MAPRE2: variants seen among roughly 807,000 people sequenced by gnomAD.
The protein encoded by MAPRE2 is microtubule associated protein RP/EB family member 2.
Under a neutral mutation model 43.2 loss-of-function variants are expected in MAPRE2, and 13 were observed. That is an observed-to-expected ratio of 0.30 (90% CI 0.20 to 0.48). The LOEUF (loss-of-function observed/expected upper bound fraction) is 0.48, where lower values mean the gene tolerates loss of function less well. MAPRE2 is among the 20% of genes least tolerant of loss of function. MAPRE2 has a pLI of 0.99. For missense variants in MAPRE2, 161 were observed against 400.2 expected (o/e 0.40, Z 5.10); for synonymous variants, 135 against 148.8 (o/e 0.91, Z 0.68).
At chr18:35,105,092 T>C (rs1288305456) in intron 4 of MAPRE2, among the ~76,000 whole-genome samples, 1 of 152,118 alleles carries the variant, frequency 6.6e-6, no homozygotes. Context: ...TTCTAGGAAT[T>C]CCCTCATCTG....
intron 2 of MAPRE2, among the ~76,000 whole-genome samples, chr18:35,030,415 G>A (rs1296290081): frequency 1.3e-5 from 2 of 152,190 alleles, no homozygotes; most frequent in Non-Finnish European, 2.9e-5. Flanking sequence ...TTAGTGGAAG[G>A]TAGACTGAGC....
chr18:35,057,507 CGTGTGTGTGTGTGT>C (rs58171272), intron 1 of MAPRE2, among the ~76,000 whole-genome samples: 1 of 149,520 alleles, frequency 6.7e-6, no homozygotes, highest in Admixed American at 6.6e-5. Context: ...GGAGTGTGTG[CGTGTGTGTGTGTGT>C]GTGTGTGTGT....
At chr18:35,092,162 A>G (rs1180314530) in intron 2 of MAPRE2, among the ~76,000 whole-genome samples, 4 of 152,210 alleles carry the variant, frequency 2.6e-5, no homozygotes, top group Non-Finnish European at 4.4e-5. Flanking sequence ...AACTGGCCCC[A>G]TGACCCAGTC....
At position 35,084,763 on chromosome 18, in the gene MAPRE2, A is replaced by G. The variant is rs112134143; in HGVS notation, c.251-12683A>G. Among the ~76,000 whole-genome samples, 1,067 of 152,328 alleles carry G rather than the reference A, an allele frequency of 7.0e-3. 3 individuals are homozygous for G. The highest frequency in any genetic ancestry group is 0.011 in the Non-Finnish European group (764 of 68,030). On this transcript the variant is annotated intron_variant, in intron 2 of 6. Coordinates refer to ENST00000300249, the MANE Select transcript of MAPRE2 (RefSeq NM_014268.4). ...CTACTTGTCTTTGGACTTATTTACA[A>G]TAGGAATAAAAAGCTTCTGACAATG...
intron 1 of MAPRE2, among the ~76,000 whole-genome samples, chr18:35,066,314 G>T (rs1017421304): frequency 3.3e-5 from 5 of 152,130 alleles, no homozygotes; most frequent in African/African-American, 1.2e-4. Context: ...TTCCTCCCAG[G>T]ATTCTTCCAA....
intron 1 of MAPRE2, among the ~76,000 whole-genome samples, chr18:35,069,012 C>G (rs1171307116): frequency 6.6e-6 from 1 of 152,146 alleles, no homozygotes; most frequent in African/African-American, 2.4e-5. Flanking sequence ...TAGATGGCAT[C>G]AAATCCCCGT....
At chr18:35,084,229 G>T (rs1001395871) in intron 2 of MAPRE2, among the ~76,000 whole-genome samples, 5 of 152,060 alleles carry the variant, frequency 3.3e-5, no homozygotes, top group African/African-American at 1.2e-4. Flanking sequence ...AGGCAAGATT[G>T]TGCCACTGCA....
At chr18:35,137,599 A>G (rs1298232763) in intron 6 of MAPRE2, among the ~76,000 whole-genome samples, 1 of 152,252 alleles carries the variant, frequency 6.6e-6, no homozygotes, top group African/African-American at 2.4e-5. Flanking sequence ...AGAAAAGCAT[A>G]CTTTAGACCA....
At chr18:35,093,937 T>A (rs529146086) in intron 2 of MAPRE2, among the ~76,000 whole-genome samples, 1 of 152,230 alleles carries the variant, frequency 6.6e-6, no homozygotes, top group Non-Finnish European at 1.5e-5. Context: ...GTACCCTATT[T>A]AGAGCTAACA....
At chr18:35,084,006 T>C (rs1374489440) in intron 2 of MAPRE2, among the ~76,000 whole-genome samples, 1 of 152,214 alleles carries the variant, frequency 6.6e-6, no homozygotes, top group Non-Finnish European at 1.5e-5. Flanking sequence ...TAATATCTGA[T>C]CAATTTTCTC....
intron 1 of MAPRE2, among the ~76,000 whole-genome samples, chr18:35,048,157 C>CATGTCT (rs778840135): frequency 2.6e-4 from 39 of 152,246 alleles, no homozygotes; most frequent in Admixed American, 5.9e-4. Flanking sequence ...CGGGAGCAGG[C>CATGTCT]ATGTCTCATG....
chr18:35,037,531 T>C (rs968460617), upstream of MAPRE2, among the ~76,000 whole-genome samples: 12 of 152,196 alleles, frequency 7.9e-5, no homozygotes, highest in African/African-American at 2.7e-4. Context: ...CAATAGGCAG[T>C]TGGAGGTGAA....
chr18:35,082,466 A>G (rs1376801235), intron 2 of MAPRE2, among the ~76,000 whole-genome samples: 5 of 152,082 alleles, frequency 3.3e-5, no homozygotes, highest in Non-Finnish European at 5.9e-5. Flanking sequence ...CACCTTTCCA[A>G]CATTTATCCC....
chr18:35,076,577 G>A (rs571358476), intron 2 of MAPRE2, among the ~76,000 whole-genome samples: 1 of 152,232 alleles, frequency 6.6e-6, no homozygotes, highest in South Asian at 2.1e-4. Flanking sequence ...GACTCCCCAG[G>A]CTAGGGGGGC....
intron 4 of MAPRE2, among the ~76,000 whole-genome samples, chr18:35,122,578 A>AT (rs1322660015): frequency 2.0e-5 from 3 of 152,064 alleles, no homozygotes; most frequent in Non-Finnish European, 2.9e-5. Flanking sequence ...AATGTTTAGA[A>AT]TTTTTTTTCC....
intron 2 of MAPRE2, among the ~76,000 whole-genome samples, chr18:35,071,755 T>G (rs1028252823): frequency 5.3e-5 from 8 of 152,186 alleles, no homozygotes; most frequent in African/African-American, 9.7e-5. Flanking sequence ...CTTCACCAGG[T>G]CTGGACTTGA....
chr18:35,139,879 C>G lies in MAPRE2; in HGVS notation c.910-416C>G, dbSNP rs547917. Among the ~76,000 whole-genome samples the G allele has an allele frequency of 5.0e-3, 765 of 152,312 alleles. 5 individuals carry two copies. The highest frequency in any genetic ancestry group is 0.016 in the African/African-American group (684 of 41,564). On this transcript the variant is annotated intron_variant, in intron 6 of 6. Transcript: ENST00000300249. ...ATCCATTAGTGAGGAGTGACACCCC[C>G]CACCAAAATACCATGGAGGCCAGGG...
At chr18:35,063,999 TTAAA>T (rs1462657158) in intron 1 of MAPRE2, among the ~76,000 whole-genome samples, 1,244 of 60,682 alleles carry the variant, frequency 0.021, 45 homozygotes, top group Non-Finnish European at 0.035. Context: ...CCCTGTCTCT[TTAAA>T]AAAAAAAAAA....
intron 1 of MAPRE2, among the ~76,000 whole-genome samples, chr18:35,068,441 T>C (rs1906943144): frequency 6.6e-6 from 1 of 152,214 alleles, no homozygotes; most frequent in South Asian, 2.1e-4. Context: ...AATAAGCTCT[T>C]GCAAGCTTTT....
Sources: allele counts gnomAD v4.1 joint callset (sites outside exome capture counted in the v4.1 genomes callset), GRCh38; gene constraint gnomAD v4.1.1; transcripts MANE v1.5; gene names NCBI Gene and HGNC (gene_info 2026-07-23, HGNC 2026-07-21).